GFRA1: variants seen among roughly 807,000 people sequenced by gnomAD.
The protein encoded by GFRA1 is GDNF family receptor alpha-1.
Under a neutral mutation model 51.6 loss-of-function variants are expected in GFRA1, and 16 were observed. The ratio of observed to expected loss-of-function variants is 0.31; its 90% CI spans 0.21 to 0.47. The LOEUF (loss-of-function observed/expected upper bound fraction) is 0.47. GFRA1 is among the 20% of genes least tolerant of loss of function. The pLI is 1.00. For synonymous variants in GFRA1, 270 were observed against 241.3 expected (o/e 1.12, Z -1.10); for missense variants, 530 against 594.3 (o/e 0.89, Z 1.13).
intron 5 of GFRA1, among the ~76,000 whole-genome samples, chr10:116,128,482 C>T (rs3824839): frequency 0.36 from 54,529 of 151,980 alleles, 10,048 homozygotes; most frequent in East Asian, 0.41. Context: ...TCCCAGCACT[C>T]TGAGAGGCCG....
chr10:116,216,839 A>C (rs1446343030), intron 4 of GFRA1, among the ~76,000 whole-genome samples: 2 of 152,190 alleles, frequency 1.3e-5, no homozygotes, highest in Admixed American at 1.3e-4. Flanking sequence ...GGGACAAGGA[A>C]GGGAACAGCT....
intron 4 of GFRA1, among the ~76,000 whole-genome samples, chr10:116,264,554 ATGAGGGAGCCC>A (rs1281514171): frequency 3.3e-5 from 5 of 152,250 alleles, no homozygotes; most frequent in African/African-American, 1.2e-4. Flanking sequence ...ACGATGGAGC[ATGAGGGAGCCC>A]TGAGTAGAAT....
chr10:116,140,128 T>G (rs537143674), intron 5 of GFRA1, among the ~76,000 whole-genome samples: 4 of 152,218 alleles, frequency 2.6e-5, no homozygotes, highest in African/African-American at 9.6e-5. Context: ...GTAGGAAATA[T>G]GGTAGAATAG....
intron 5 of GFRA1, among the ~76,000 whole-genome samples, chr10:116,188,000 C>T (rs573367030): frequency 1.3e-5 from 2 of 152,276 alleles, no homozygotes; most frequent in Admixed American, 6.5e-5. Flanking sequence ...AGACAGTAGA[C>T]ATCCCAGGCC....
intron 5 of GFRA1, among the ~76,000 whole-genome samples, chr10:116,155,109 T>TA (rs1240775353): frequency 1.3e-5 from 2 of 152,202 alleles, no homozygotes; most frequent in Non-Finnish European, 2.9e-5. Context: ...CCCAGAACTC[T>TA]AATGTGTCAA....
intron 9 of GFRA1, among the ~76,000 whole-genome samples, chr10:116,079,117 A>G (rs1415641543): frequency 2.0e-5 from 3 of 151,964 alleles, no homozygotes; most frequent in Non-Finnish European, 4.4e-5. Flanking sequence ...TGGTGTGAGG[A>G]TGAGACACCA....
intron 4 of GFRA1, among the ~76,000 whole-genome samples, chr10:116,251,314 G>A (rs781035818): frequency 7.2e-5 from 11 of 152,162 alleles, no homozygotes; most frequent in South Asian, 2.1e-4. Flanking sequence ...ACAAAGCTCC[G>A]AAGAGCACAT....
At chr10:116,180,414 A>G (rs1456643090) in intron 5 of GFRA1, among the ~76,000 whole-genome samples, 2 of 152,170 alleles carry the variant, frequency 1.3e-5, no homozygotes, top group African/African-American at 2.4e-5. Context: ...GTCCCATGAT[A>G]AATACTGTGC....
In GFRA1 at chr10:116,272,127, C is replaced by G. The variant is rs1844005944; in HGVS notation, c.-98G>C. 6 of 1,051,008 alleles carry G rather than the reference C, an allele frequency of 5.7e-6. No individual in the cohort carries two copies. Among genetic ancestry groups the G allele is most frequent in the Admixed American group, 2.0e-5 (1 of 50,378 alleles). The allele number at this position is 1,051,008 out of a possible 1,614,324, so 65.1% of individuals were successfully genotyped here. On this transcript the variant is annotated 5_prime_UTR_variant, in exon 2 of 11. Coordinates refer to ENST00000355422, the MANE Select transcript of GFRA1 (RefSeq NM_005264.8). This position sits in a 1 kb window ranked among gnomAD's most constrained non-coding sequence, Gnocchi z 4.4. ...TCAGCGTGCAGCGATCCCCGGACAG[C>G]TGTGCTGCTCTGGCCGCCCAAAGTT...
At chr10:116,081,784 G>A (rs1955862030) in intron 9 of GFRA1, among the ~76,000 whole-genome samples, 1 of 152,176 alleles carries the variant, frequency 6.6e-6, no homozygotes, top group African/African-American at 2.4e-5. Context: ...GGGACTACTG[G>A]TGGTATACGA....
intron 6 of GFRA1, among the ~76,000 whole-genome samples, chr10:116,116,665 G>C (rs1419313868): frequency 1.3e-5 from 2 of 152,238 alleles, no homozygotes; most frequent in Non-Finnish European, 2.9e-5. Context: ...TGGCCTGGAA[G>C]GGTATTTTTT....
intron 8 of GFRA1, among the ~76,000 whole-genome samples, chr10:116,091,133 TCA>T (rs1029136974): frequency 6.6e-6 from 1 of 152,218 alleles, no homozygotes; most frequent in Non-Finnish European, 1.5e-5. Context: ...TTCAAGAGAC[TCA>T]CAGTTTCTTG....
intron 6 of GFRA1, among the ~76,000 whole-genome samples, chr10:116,103,877 A>C (rs1367156685): frequency 1.3e-5 from 2 of 152,152 alleles, no homozygotes; most frequent in African/African-American, 4.8e-5. Flanking sequence ...TACATTTTGC[A>C]GGGGGTGTTA....
intron 5 of GFRA1, among the ~76,000 whole-genome samples, chr10:116,198,432 T>C (rs561415154): frequency 3.5e-3 from 538 of 152,318 alleles, no homozygotes; most frequent in Middle Eastern, 6.8e-3. Context: ...CCCACGGCTG[T>C]TTAATAAGGA....
chr10:116,161,690 T>C (rs1253278791), intron 5 of GFRA1, among the ~76,000 whole-genome samples: 1 of 152,238 alleles, frequency 6.6e-6, no homozygotes, highest in Admixed American at 6.5e-5. Context: ...GTTCTCTTGC[T>C]TGCCGCCATG....
intron 4 of GFRA1, among the ~76,000 whole-genome samples, chr10:116,221,488 G>A (rs1356119327): frequency 3.3e-5 from 5 of 152,080 alleles, no homozygotes; most frequent in South Asian, 2.1e-4. Context: ...GCAGGGGTGC[G>A]ATCTCGGCTC....
chr10:116,178,536 A>C (rs947539945), intron 5 of GFRA1, among the ~76,000 whole-genome samples: 2 of 152,228 alleles, frequency 1.3e-5, no homozygotes, highest in Non-Finnish European at 2.9e-5. Context: ...TGCTTTCAAA[A>C]TTGGGTGCAG....
chr10:116,249,379 T>A (rs968409959), intron 4 of GFRA1, among the ~76,000 whole-genome samples: 5 of 152,098 alleles, frequency 3.3e-5, no homozygotes, highest in African/African-American at 1.2e-4. Flanking sequence ...ACTGCAGATG[T>A]CGCCCCCAAC....
intron 5 of GFRA1, among the ~76,000 whole-genome samples, chr10:116,165,123 T>G (rs1960241599): frequency 6.6e-6 from 1 of 152,144 alleles, no homozygotes; most frequent in Non-Finnish European, 1.5e-5. Flanking sequence ...AATCTCTGAG[T>G]CTGAGGTGAA....
Sources: gnomAD v4.1 joint callset for allele counts (sites outside exome capture counted in the v4.1 genomes callset) on GRCh38, gnomAD v4.1.1 for gene constraint, Gnocchi (gnomAD v3.1) non-coding constraint, MANE v1.5 for transcripts, NCBI Gene and HGNC (gene_info 2026-07-23, HGNC 2026-07-21) for gene names.